Variants in TENM2 observed in about 807,000 individuals in gnomAD.
TENM2 encodes teneurin-2.
TENM2 carries 52 observed loss-of-function variants against 245.2 expected under a neutral mutation model. That is an observed-to-expected ratio of 0.21 (90% confidence interval 0.17 to 0.27). The LOEUF (loss-of-function observed/expected upper bound fraction) is 0.27, where lower values mean the gene tolerates loss of function less well. Among genes scored for constraint, TENM2 ranks in the 10% least tolerant of loss-of-function variants. TENM2 has a pLI of 1.00. For missense variants in TENM2, 3,046 were observed against 3,666.8 expected, an observed-to-expected ratio of 0.83 and a Z score of 4.37; for synonymous variants, 1,363 against 1,438.9, an observed-to-expected ratio of 0.95 and a Z score of 1.19.
chr5:166,984,247 A>G, the TENM2 span, among the ~76,000 whole-genome samples: 1 of 152,038 alleles, frequency 6.6e-6, no homozygotes, highest in Non-Finnish European at 1.5e-5. Flanking sequence ...GCAATTTTTA[A>G]TTTACCTAGT....
chr5:167,514,950 G>A (rs1223657058), intron 2 of TENM2, among the ~76,000 whole-genome samples: 1 of 152,152 alleles, frequency 6.6e-6, no homozygotes, highest in Non-Finnish European at 1.5e-5. Flanking sequence ...GGCGGAGGTT[G>A]CGGTGAGCCG....
chr5:167,316,528 A>G (rs747282631), intron 1 of TENM2, among the ~76,000 whole-genome samples: 8 of 152,172 alleles, frequency 5.3e-5, no homozygotes, highest in Non-Finnish European at 1.2e-4. Context: ...AGCTCACTGT[A>G]TATTATTTTC....
chr5:167,593,460 A>G (rs1456187571), intron 2 of TENM2, among the ~76,000 whole-genome samples: 1 of 152,140 alleles, frequency 6.6e-6, no homozygotes, highest in African/African-American at 2.4e-5. Context: ...TGTTCCATGT[A>G]AAATAAAACT....
chr5:167,767,386 A>C (rs894711085), intron 2 of TENM2, among the ~76,000 whole-genome samples: 25 of 152,214 alleles, frequency 1.6e-4, no homozygotes, highest in African/African-American at 5.8e-4. Context: ...GTGGTTACCA[A>C]GTACTAGAGA....
chr5:168,258,874 ATTTT>A (rs143279852), intron 27 of TENM2, among the ~76,000 whole-genome samples: 45 of 148,300 alleles, frequency 3.0e-4, no homozygotes, highest in African/African-American at 1.1e-3. Context: ...TGAGTTTTAC[ATTTT>A]TTTTTTTAAA....
chr5:168,035,174 A>C (rs997289908), intron 5 of TENM2, among the ~76,000 whole-genome samples: 2 of 152,132 alleles, frequency 1.3e-5, no homozygotes, highest in African/African-American at 4.8e-5. Context: ...TAGTATTAAA[A>C]TTTTTTTACT....
chr5:167,287,527 T>C (rs1224753305), intron 1 of TENM2: 1 of 152,210 alleles, frequency 6.6e-6, no homozygotes, highest in Non-Finnish European at 1.5e-5. Context: ...TGGATGACTC[T>C]ACAGATGCTC....
At chr5:167,813,315 G>A (rs1253852402) in intron 2 of TENM2, among the ~76,000 whole-genome samples, 1 of 151,998 alleles carries the variant, frequency 6.6e-6, no homozygotes, top group Non-Finnish European at 1.5e-5. Context: ...GGCTTTCAGA[G>A]GAAGGGGAAA....
At chr5:167,568,413 C>G (rs1774043187) in intron 2 of TENM2, among the ~76,000 whole-genome samples, 1 of 152,062 alleles carries the variant, frequency 6.6e-6, no homozygotes, top group South Asian at 2.1e-4. Flanking sequence ...ATTCATGTAT[C>G]AGACCCACAT....
chr5:167,994,492 T>G (rs1783903702), intron 5 of TENM2, among the ~76,000 whole-genome samples: 1 of 152,250 alleles, frequency 6.6e-6, no homozygotes. Flanking sequence ...GGGGCATGAC[T>G]GTGCACCCCC....
intron 2 of TENM2, among the ~76,000 whole-genome samples, chr5:167,642,032 T>C (rs1204995634): frequency 6.6e-6 from 1 of 151,708 alleles, no homozygotes; most frequent in Admixed American, 6.6e-5. Context: ...TCCTAGCTAC[T>C]CTGGAGGCTG....
In TENM2 at chr5:167,701,765, CT is replaced by C. The variant is rs1561686212; in HGVS notation, c.503-174220del. ...TGTTATTACTGTATTGTATTATTCT[CT>C]GGTCTGCATTGGGAAAGGATCTGCC... is the stretch of plus-strand genomic sequence containing the variant. On this transcript the variant is annotated intron_variant, in intron 2 of 28. Coordinates refer to ENST00000518659, the Ensembl canonical transcript of TENM2. Among the ~76,000 whole-genome samples the C allele has an allele frequency of 3.3e-5, 5 of 152,230 alleles. No homozygotes were observed. In the South Asian group the frequency reaches 1.0e-3, roughly 32 times the overall value.
At chr5:167,959,011 A>G (rs1780780454) in intron 4 of TENM2, among the ~76,000 whole-genome samples, 1 of 151,914 alleles carries the variant, frequency 6.6e-6, no homozygotes, top group Non-Finnish European at 1.5e-5. Flanking sequence ...TATTTCCTGA[A>G]CTTGAATGTT....
At chr5:167,465,767 C>G (rs763608788) in intron 2 of TENM2, among the ~76,000 whole-genome samples, 2 of 152,078 alleles carry the variant, frequency 1.3e-5, no homozygotes, top group Non-Finnish European at 2.9e-5. Flanking sequence ...GGAGGCGGAG[C>G]TTGCAGTAAG....
exon 2 of TENM2, chr5:167,375,365 TGGG>T (rs952075260): frequency 2.6e-6 from 4 of 1,551,596 alleles, no homozygotes; most frequent in Non-Finnish European, 2.6e-6. Context: ...CATCAGACTG[TGGG>T]GCAGAGGGAT....
the TENM2 span, among the ~76,000 whole-genome samples, chr5:167,245,053 C>G: frequency 6.6e-6 from 1 of 152,090 alleles, no homozygotes; most frequent in Non-Finnish European, 1.5e-5. Context: ...GGTTCTATTC[C>G]GGTGTCTAAT....
At chr5:166,980,341 T>C in the TENM2 span, among the ~76,000 whole-genome samples, 1 of 152,158 alleles carries the variant, frequency 6.6e-6, no homozygotes, top group Non-Finnish European at 1.5e-5. Flanking sequence ...ATCTTGTCAA[T>C]GGAGGGGAGG....
At chr5:168,221,556 T>G (rs1041783535) in intron 23 of TENM2, among the ~76,000 whole-genome samples, 6 of 152,106 alleles carry the variant, frequency 3.9e-5, no homozygotes, top group African/African-American at 1.2e-4. Flanking sequence ...AAGATGTAAC[T>G]CAATAAGACC....
chr5:167,654,675 C>CT (rs1754722138), intron 2 of TENM2, among the ~76,000 whole-genome samples: 1 of 151,436 alleles, frequency 6.6e-6, no homozygotes, highest in South Asian at 2.1e-4. Flanking sequence ...TGGTATTACT[C>CT]TAAAAACCTC....
Sources: allele counts gnomAD v4.1 joint callset (sites outside exome capture counted in the v4.1 genomes callset), GRCh38; gene constraint gnomAD v4.1.1; transcripts MANE v1.5; gene names NCBI Gene and HGNC (gene_info 2026-07-23, HGNC 2026-07-21).